FMR1NB: variants seen among roughly 807,000 people sequenced by gnomAD.
The protein encoded by FMR1NB is FMR1 neighbor protein.
FMR1NB carries 10 observed loss-of-function variants against 16.8 expected under a neutral mutation model. The ratio of observed to expected loss-of-function variants is 0.60; its 90% CI spans 0.37 to 1.01. The LOEUF is 1.01. Ranked by LOEUF, FMR1NB falls within the 50% of genes least tolerant of loss-of-function variation. FMR1NB has a pLI of 0.01. For synonymous variants in FMR1NB, 83 were observed against 79.1 expected, an observed-to-expected ratio of 1.05 and a Z score of -0.26; for missense variants, 205 against 204.8, an observed-to-expected ratio of 1.00 and a Z score of 0.00.
At chrX:147,996,758 G>C (rs2044544010) in intron 1 of FMR1NB, among the ~76,000 whole-genome samples, 1 of 111,997 alleles carries the variant, frequency 8.9e-6, no homozygotes, top group African/African-American at 3.2e-5. Context: ...CTCTCTGTCT[G>C]CACTGAGTCT....
chrX:148,024,794 C>A (rs2044695217), intron 4 of FMR1NB, 71 bp from the exon 5 acceptor site: 5 of 1,131,741 alleles, frequency 4.4e-6, no homozygotes, highest in Non-Finnish European at 5.9e-6. Flanking sequence ...TATTTTTTTC[C>A]TTATAACCCT....
intron 5 of FMR1NB, 30 bp downstream of exon 5, chrX:148,025,043 T>A: frequency 8.5e-7 from 1 of 1,180,121 alleles, no homozygotes. Flanking sequence ...AAAGTTGAAG[T>A]GCTCAATCTC....
At chrX:148,025,149 T>A (rs911338993) in intron 5 of FMR1NB, 136 bp downstream of exon 5, 7 of 653,329 alleles carry the variant, frequency 1.1e-5, no homozygotes, top group Non-Finnish European at 1.1e-5. Context: ...AGGGCCAGCT[T>A]CTGAACAAAT....
chrX:148,022,679 C>A (rs111880123), intron 4 of FMR1NB, among the ~76,000 whole-genome samples: 2 of 111,108 alleles, frequency 1.8e-5, no homozygotes, highest in African/African-American at 6.6e-5. Flanking sequence ...GAATAGCTAA[C>A]CTTGGATCTC....
rs1196237690 is a variant in FMR1NB at position 148,026,047 on chromosome X, T to C, written c.*14-455T>C. 4.5e-5 allele frequency: 5 copies of C among 111,363 alleles called. No individual in the cohort carries two copies. In the Admixed American group the frequency reaches 4.8e-4, roughly 11 times the overall value. 9.2% of individuals were successfully genotyped at this position (111,363 alleles called of 1,213,427 possible). On this transcript the variant is annotated intron_variant, in intron 5 of 5. Transcript: ENST00000370467. Reference sequence around the variant, plus strand: ...GAAAATCTTTATATAAGGTATCATATATATATATGGGATACATATTTACTT... The same window carrying C: ...GAAAATCTTTATATAAGGTATCATACATATATATGGGATACATATTTACTT...
chrX:148,000,585 A>T (rs1557188582), intron 1 of FMR1NB, among the ~76,000 whole-genome samples: 1 of 112,363 alleles, frequency 8.9e-6, no homozygotes, highest in Non-Finnish European at 1.9e-5. Context: ...ATAACATTCA[A>T]TAATTAATAG....
intron 4 of FMR1NB, among the ~76,000 whole-genome samples, chrX:148,023,693 A>G (rs1188864253): frequency 9.0e-6 from 1 of 111,612 alleles, no homozygotes; most frequent in Non-Finnish European, 1.9e-5. Context: ...TGCCATGAAC[A>G]TTACTATTTT....
At chrX:148,025,506 A>G (rs782561002) in intron 5 of FMR1NB, among the ~76,000 whole-genome samples, 3 of 111,781 alleles carry the variant, frequency 2.7e-5, no homozygotes, top group African/African-American at 6.5e-5. Flanking sequence ...TCCCAGAATC[A>G]TACACTAGGG....
At chrX:148,005,325 G>A (rs1397354162) in intron 2 of FMR1NB, among the ~76,000 whole-genome samples, 1 of 111,377 alleles carries the variant, frequency 9.0e-6, no homozygotes, top group Non-Finnish European at 1.9e-5. Context: ...GCATTTCTGG[G>A]AAGTGGTGTT....
At chrX:148,006,918 TG>T in intron 3 of FMR1NB, 76 bp downstream of exon 3, 1 of 1,053,773 alleles carries the variant, frequency 9.5e-7, no homozygotes, top group Non-Finnish European at 1.3e-6. Context: ...AGTTCATATT[TG>T]GATTTCCTAG....
chrX:148,006,105 T>C (rs1256519187), intron 2 of FMR1NB, among the ~76,000 whole-genome samples: 2 of 104,392 alleles, frequency 1.9e-5, no homozygotes, highest in African/African-American at 8.0e-5. Flanking sequence ...TATGTACGAA[T>C]TTATTGCAGT....
At chrX:147,992,053 T>C (rs111265508) in intron 1 of FMR1NB, among the ~76,000 whole-genome samples, 7,069 of 101,209 alleles carry the variant, frequency 0.07, no homozygotes, top group African/African-American at 0.14. Flanking sequence ...CTCCCATGTC[T>C]ACTTCCTTCC....
At chrX:148,009,000 C>T (rs782209723) in intron 4 of FMR1NB, among the ~76,000 whole-genome samples, 1 of 108,947 alleles carries the variant, frequency 9.2e-6, no homozygotes, top group Non-Finnish European at 1.9e-5. Context: ...ACCAACATGG[C>T]GAAACCCCGT....
intron 1 of FMR1NB, among the ~76,000 whole-genome samples, chrX:148,002,350 C>G (rs1305942202): frequency 1.8e-5 from 2 of 111,627 alleles, no homozygotes; most frequent in African/African-American, 6.5e-5. Flanking sequence ...TGTCAGAAAA[C>G]TGGCACTTGC....
chrX:148,004,916 A>T (rs956005265), intron 2 of FMR1NB, among the ~76,000 whole-genome samples: 9 of 112,553 alleles, frequency 8.0e-5, no homozygotes, highest in Non-Finnish European at 1.5e-4. Flanking sequence ...TTTGAGACAG[A>T]GTCTCGCTCT....
At chrX:148,008,825 G>C in intron 4 of FMR1NB, 114 bp downstream of exon 4, 1 of 644,376 alleles carries the variant, frequency 1.6e-6, no homozygotes, top group Non-Finnish European at 2.3e-6. Flanking sequence ...GGTTCTTTAT[G>C]TTGAAAATAT....
chrX:148,001,314 A>G (rs1365970630), intron 1 of FMR1NB, among the ~76,000 whole-genome samples: 1 of 112,285 alleles, frequency 8.9e-6, no homozygotes, highest in Non-Finnish European at 1.9e-5. Context: ...CACGTGGGAC[A>G]CACAATAAAT....
chrX:147,988,783 C>T (rs2044489497), intron 1 of FMR1NB, among the ~76,000 whole-genome samples: 1 of 111,375 alleles, frequency 9.0e-6, no homozygotes, highest in African/African-American at 3.3e-5. Context: ...ATCCTTTCTT[C>T]TTCTTGATTG....
intron 1 of FMR1NB, among the ~76,000 whole-genome samples, chrX:148,001,595 CA>C (rs1557188653): frequency 1.8e-5 from 2 of 109,990 alleles, no homozygotes; most frequent in Non-Finnish European, 3.8e-5. Context: ...ACTAAAAATA[CA>C]AAAATTAGTT....
Sources: allele counts gnomAD v4.1 joint callset (sites outside exome capture counted in the v4.1 genomes callset), GRCh38; gene constraint gnomAD v4.1.1; transcripts MANE v1.5; gene names NCBI Gene and HGNC (gene_info 2026-07-23, HGNC 2026-07-21).